Variants in CDH13 observed in about 807,000 individuals in gnomAD.
CDH13 encodes cadherin-13.
Under a neutral mutation model 63.8 loss-of-function variants are expected in CDH13, and 24 were observed. That is an observed-to-expected ratio of 0.38 (90% confidence interval 0.27 to 0.53). The LOEUF (loss-of-function observed/expected upper bound fraction) is 0.53, where lower values mean the gene tolerates loss of function less well. Ranked by LOEUF, CDH13 falls within the 20% of genes least tolerant of loss-of-function variation. CDH13 has a pLI of 0.85. For synonymous variants in CDH13, 503 were observed against 355.3 expected, an observed-to-expected ratio of 1.42 and a Z score of -4.67; for missense variants, 1,049 against 903.1, an observed-to-expected ratio of 1.16 and a Z score of -2.07.
chr16:82,722,364 G>A lies in CDH13; in HGVS notation c.45+95227G>A, dbSNP rs143859533. On this transcript the variant is annotated intron_variant, in intron 1 of 13. Transcript: ENST00000567109. ...AGGCAGGGTCTTCCCATGTGATACC[G>A]GCTATTGGCAGACTCAGATCTGTAG... is the stretch of plus-strand genomic sequence containing the variant. 4.9e-3 allele frequency among the ~76,000 whole-genome samples: 752 copies of A among 152,136 alleles called. 4 individuals carry two copies. Among genetic ancestry groups the A allele is most frequent in the Middle Eastern group, 0.017 (5 of 294 alleles).
intron 2 of CDH13, among the ~76,000 whole-genome samples, chr16:82,992,943 G>A (rs1472653976): frequency 6.6e-6 from 1 of 152,140 alleles, no homozygotes; most frequent in Non-Finnish European, 1.5e-5. Context: ...CTTTAGCTGA[G>A]ACCACCCCAC....
chr16:82,945,769 C>G (rs909723167), intron 2 of CDH13, among the ~76,000 whole-genome samples: 1 of 152,024 alleles, frequency 6.6e-6, no homozygotes, highest in African/African-American at 2.4e-5. Context: ...TTTGATAGGC[C>G]AAAAGTATTA....
At chr16:82,777,238 G>A (rs180980036) in intron 1 of CDH13, among the ~76,000 whole-genome samples, 24 of 152,314 alleles carry the variant, frequency 1.6e-4, no homozygotes, top group African/African-American at 4.6e-4. Flanking sequence ...CAAAGTGCTA[G>A]GATTACAGGC....
At chr16:83,432,923 T>C (rs1413907400) in intron 6 of CDH13, among the ~76,000 whole-genome samples, 1 of 152,202 alleles carries the variant, frequency 6.6e-6, no homozygotes, top group Non-Finnish European at 1.5e-5. Flanking sequence ...TTCTTCTTCA[T>C]GGTTAGGGTT....
At chr16:82,974,440 G>T (rs917536139) in intron 2 of CDH13, among the ~76,000 whole-genome samples, 2 of 152,092 alleles carry the variant, frequency 1.3e-5, no homozygotes, top group African/African-American at 4.8e-5. Context: ...GGTGTAAAAG[G>T]TTCCTTGGCT....
chr16:83,757,338 G>A (rs1300311892), intron 11 of CDH13, among the ~76,000 whole-genome samples: 1 of 152,136 alleles, frequency 6.6e-6, no homozygotes, highest in African/African-American at 2.4e-5. Flanking sequence ...AGAATTTTGG[G>A]AGGCTGAGGC....
intron 2 of CDH13, among the ~76,000 whole-genome samples, chr16:82,993,125 A>G (rs1911840065): frequency 6.6e-6 from 1 of 152,002 alleles, no homozygotes; most frequent in Non-Finnish European, 1.5e-5. Context: ...CAGTTAATAT[A>G]TTACTAATAA....
chr16:83,048,459 T>G (rs1213704571), intron 3 of CDH13, among the ~76,000 whole-genome samples: 1 of 152,176 alleles, frequency 6.6e-6, no homozygotes, highest in Non-Finnish European at 1.5e-5. Context: ...ATTGCTACCC[T>G]GTAATTATTC....
chr16:83,216,510 AG>A (rs901927821), intron 4 of CDH13, among the ~76,000 whole-genome samples: 11 of 135,608 alleles, frequency 8.1e-5, no homozygotes, highest in Non-Finnish European at 1.6e-4. Flanking sequence ...TTTAATACAT[AG>A]GGATTTAATA....
chr16:82,848,955 C>G (rs1379085664), intron 1 of CDH13, among the ~76,000 whole-genome samples: 2 of 152,152 alleles, frequency 1.3e-5, no homozygotes, highest in East Asian at 1.9e-4. Context: ...ACTAAAGGTG[C>G]TACTCCACTG....
At chr16:82,799,943 C>A (rs2036771510) in intron 1 of CDH13, among the ~76,000 whole-genome samples, 1 of 152,132 alleles carries the variant, frequency 6.6e-6, no homozygotes, top group Admixed American at 6.5e-5. Flanking sequence ...ACCGTGGAAC[C>A]ACTGCGTTAT....
intron 1 of CDH13, among the ~76,000 whole-genome samples, chr16:82,666,398 C>G (rs534872750): frequency 6.6e-6 from 1 of 152,202 alleles, no homozygotes; most frequent in Non-Finnish European, 1.5e-5. Flanking sequence ...CCACCATCAG[C>G]CCTCCCTCTC....
chr16:83,713,147 C>G (rs887699220), intron 10 of CDH13, among the ~76,000 whole-genome samples: 2 of 152,198 alleles, frequency 1.3e-5, no homozygotes, highest in Non-Finnish European at 2.9e-5. Flanking sequence ...TAGCAGCAAA[C>G]AGATCAACCT....
chr16:83,191,153 C>T (rs2038684315), intron 4 of CDH13, among the ~76,000 whole-genome samples: 1 of 147,876 alleles, frequency 6.8e-6, no homozygotes, highest in Non-Finnish European at 1.5e-5. Context: ...GTTGTTTTGT[C>T]TTTGATATGG....
In CDH13 at chr16:83,486,571, C is replaced by G. The variant is rs1220600276; in HGVS notation, c.876C>G (p.Asp292Glu). ...LRYNIRQQTP[D>E]KPSPNMFYID... ...ATAATATCCGTCAGCAGACGCCTGA[C>G]AAGCCATCTCCCAACATGTTCTACA... The change falls in exon 7 of 14, where the codon GAC becomes GAG. Residue 292 changes from aspartate (D) to glutamate (E), a missense_variant. Coordinates refer to ENST00000567109, the MANE Select transcript of CDH13 (RefSeq NM_001257.5). The G allele has an allele frequency of 1.7e-5, 28 of 1,613,928 alleles. No homozygotes were observed. The highest frequency in any genetic ancestry group is 2.2e-5 in the Non-Finnish European group (26 of 1,179,826).
chr16:82,895,891 A>G (rs1941468746), intron 2 of CDH13, among the ~76,000 whole-genome samples: 1 of 152,188 alleles, frequency 6.6e-6, no homozygotes. Context: ...GAAGGGGTAC[A>G]AGATCAGCCT....
intron 6 of CDH13, among the ~76,000 whole-genome samples, chr16:83,416,208 T>C (rs2071543363): frequency 6.6e-6 from 1 of 152,184 alleles, no homozygotes; most frequent in Non-Finnish European, 1.5e-5. Context: ...GAAAGACATG[T>C]ATTCTGAAAA....
Position 83,734,644 on chromosome 16 carries a change from A to G in CDH13, c.1539-13464A>G, listed in dbSNP as rs561528239. On this transcript the variant is annotated intron_variant, in intron 10 of 13. Transcript: ENST00000567109. ...TATACCTAATGCTAAATGACGAGTT[A>G]ATGGGTGCAGCACACCAGCATGGCA... Among the ~76,000 whole-genome samples the G allele has an allele frequency of 2.9e-3, 445 of 151,642 alleles. 3 individuals are homozygous for G. The highest frequency in any genetic ancestry group is 0.011 in the African/African-American group (434 of 41,286).
intron 6 of CDH13, among the ~76,000 whole-genome samples, chr16:83,455,280 A>G (rs1224384674): frequency 6.6e-6 from 1 of 152,146 alleles, no homozygotes; most frequent in Admixed American, 6.5e-5. Flanking sequence ...GAGATTCACT[A>G]ACCCCCTCTA....
Sources: gnomAD v4.1 joint callset for allele counts (sites outside exome capture counted in the v4.1 genomes callset) on GRCh38, gnomAD v4.1.1 for gene constraint, MANE v1.5 for transcripts, NCBI Gene and HGNC (gene_info 2026-07-23, HGNC 2026-07-21) for gene names.